The following NKAIN3 variants were observed in gnomAD, a reference collection of about 807,000 sequenced individuals.
NKAIN3 encodes sodium/potassium transporting ATPase interacting 3, also known as sodium/potassium-transporting ATPase subunit beta-1-interacting protein 3.
In NKAIN3, 25 loss-of-function variants were observed where a neutral mutation model predicts 30.2. The ratio of observed to expected loss-of-function variants is 0.83; its 90% CI spans 0.60 to 1.16. NKAIN3 has a LOEUF of 1.16. Among genes scored for constraint, NKAIN3 ranks in the 50% most tolerant of loss-of-function variants. NKAIN3 has a pLI of 0.00. For synonymous variants in NKAIN3, 91 were observed against 89.6 expected (o/e 1.02, Z -0.09); for missense variants, 225 against 254.1 (o/e 0.89, Z 0.78).
At chr8:62,800,951 A>G (rs1413309098) in intron 4 of NKAIN3, among the ~76,000 whole-genome samples, 3 of 152,222 alleles carry the variant, frequency 2.0e-5, no homozygotes, top group Admixed American at 2.0e-4. Flanking sequence ...AAAACGGTGC[A>G]CCAAGAGATT....
Position 62,969,390 on chromosome 8 carries a change from CA to C in NKAIN3, c.*3988del. ...ATCATGACTCTGCTAATTTGAGAAG[CA>C]AAAACCAAAATTTCTCTTTTCAATC... On this transcript the variant is annotated 3_prime_UTR_variant, in exon 7 of 7. Coordinates refer to ENST00000623646, the MANE Select transcript of NKAIN3 (RefSeq NM_001304533.3). Among the ~76,000 whole-genome samples the C allele has an allele frequency of 6.6e-6, 1 of 152,146 alleles. No homozygotes were observed. Among genetic ancestry groups the C allele is most frequent in the East Asian group, 1.9e-4 (1 of 5,196 alleles).
At chr8:62,646,577 T>TATCCAC (rs1281270629) in intron 3 of NKAIN3, among the ~76,000 whole-genome samples, 4 of 152,182 alleles carry the variant, frequency 2.6e-5, no homozygotes, top group Non-Finnish European at 4.4e-5. Context: ...CCACTGTATT[T>TATCCAC]ATCCACTTTG....
intron 1 of NKAIN3, among the ~76,000 whole-genome samples, chr8:62,337,992 A>C (rs1380235784): frequency 2.0e-5 from 3 of 151,978 alleles, no homozygotes; most frequent in Non-Finnish European, 1.5e-5. Flanking sequence ...ATAGGAAAAA[A>C]CTTTTCACAA....
At chr8:62,518,886 G>A (rs10092296) in intron 1 of NKAIN3, among the ~76,000 whole-genome samples, 3,060 of 152,170 alleles carry the variant, frequency 0.02, 77 homozygotes, top group African/African-American at 0.066. Context: ...TAGAAGTGGC[G>A]TTAATGCCTG....
intron 1 of NKAIN3, among the ~76,000 whole-genome samples, chr8:62,355,901 G>A (rs1816336995): frequency 1.3e-5 from 2 of 152,192 alleles, no homozygotes; most frequent in Admixed American, 6.5e-5. Flanking sequence ...ATATTAGAAA[G>A]CTTTGTTTTT....
intron 1 of NKAIN3, among the ~76,000 whole-genome samples, chr8:62,288,491 G>A (rs574267555): frequency 6.6e-5 from 10 of 152,252 alleles, no homozygotes; most frequent in Non-Finnish European, 1.5e-4. Flanking sequence ...AACACGTGGT[G>A]TTTGGTTTTC....
In NKAIN3 at chr8:62,984,233, C is replaced by T. The variant is rs1824152289; in HGVS notation, c.*18826C>T. 6.6e-6 allele frequency: 1 copy of T among 152,194 alleles called. No individual in the cohort carries two copies. The highest frequency in any genetic ancestry group is 1.5e-5 in the Non-Finnish European group (1 of 68,040). 9.4% of individuals were successfully genotyped at this position (152,194 alleles called of 1,614,324 possible). On this transcript the variant is annotated 3_prime_UTR_variant, in exon 7 of 7. Coordinates refer to ENST00000623646, the MANE Select transcript of NKAIN3 (RefSeq NM_001304533.3). ...TTTGCTCTCACATTCACAATACCAA[C>T]TCTGCCATCTTATGGAAAATATTGG...
intron 4 of NKAIN3, chr8:62,857,110 G>A: frequency 4.9e-6 from 2 of 409,746 alleles, no homozygotes; most frequent in South Asian, 2.0e-5. Context: ...CTTTGGTGTA[G>A]GGAAGTGACC....
chr8:62,623,906 T>C (rs1389419204), intron 3 of NKAIN3, among the ~76,000 whole-genome samples: 2 of 152,080 alleles, frequency 1.3e-5, no homozygotes, highest in African/African-American at 2.4e-5. Flanking sequence ...CAACTGATTA[T>C]ACTTATACTT....
At chr8:62,376,239 G>A (rs1817080201) in intron 1 of NKAIN3, among the ~76,000 whole-genome samples, 1 of 152,188 alleles carries the variant, frequency 6.6e-6, no homozygotes. Flanking sequence ...ACACTATGGT[G>A]TATGAATGGG....
At position 62,684,089 on chromosome 8, in the gene NKAIN3, C is replaced by G. The variant is rs111435765; in HGVS notation, c.274-62843C>G. 8.6e-3 allele frequency among the ~76,000 whole-genome samples: 1,304 copies of G among 152,294 alleles called. 6 individuals are homozygous for G. The highest frequency in any genetic ancestry group is 0.014 in the South Asian group (67 of 4,822). ...AGCCAACAATCTCATCAGACATCCA[C>G]TATCAACTTGAGGTCCACAGGCCTG... On this transcript the variant is annotated intron_variant, in intron 3 of 6. Coordinates refer to ENST00000623646, the MANE Select transcript of NKAIN3 (RefSeq NM_001304533.3).
intron 1 of NKAIN3, among the ~76,000 whole-genome samples, chr8:62,311,700 G>T (rs761848316): frequency 6.6e-6 from 1 of 150,404 alleles, no homozygotes; most frequent in Non-Finnish European, 1.5e-5. Context: ...CCACATGGAC[G>T]TGCCACCTGG....
At chr8:62,678,905 A>G (rs1386214748) in intron 3 of NKAIN3, among the ~76,000 whole-genome samples, 1 of 152,176 alleles carries the variant, frequency 6.6e-6, no homozygotes, top group Non-Finnish European at 1.5e-5. Context: ...TCTAGTGAAT[A>G]AGGCTGGAAC....
chr8:62,555,641 A>G (rs958136422), intron 1 of NKAIN3, among the ~76,000 whole-genome samples: 1 of 152,056 alleles, frequency 6.6e-6, no homozygotes, highest in African/African-American at 2.4e-5. Flanking sequence ...ACAGAGATAT[A>G]CTAGGATAAG....
chr8:62,275,452 C>T (rs542964692), intron 1 of NKAIN3, among the ~76,000 whole-genome samples: 2 of 152,238 alleles, frequency 1.3e-5, no homozygotes, highest in South Asian at 4.1e-4. Flanking sequence ...TTTTGTAATT[C>T]TGAATTTTCT....
chr8:62,993,308 A>G (rs16918950), intron 5 of NKAIN3, among the ~76,000 whole-genome samples: 6,446 of 152,230 alleles, frequency 0.042, 440 homozygotes, highest in African/African-American at 0.14. Context: ...TTTATTACAA[A>G]TAGTTTCGTT....
At chr8:62,950,490 T>C (rs971161862) in intron 5 of NKAIN3, among the ~76,000 whole-genome samples, 26 of 152,212 alleles carry the variant, frequency 1.7e-4, no homozygotes, top group African/African-American at 6.0e-4. Flanking sequence ...TTAAATTTTT[T>C]GTAGTCTTGT....
intron 3 of NKAIN3, among the ~76,000 whole-genome samples, chr8:62,738,757 T>G (rs1815762283): frequency 6.6e-6 from 1 of 152,152 alleles, no homozygotes; most frequent in Non-Finnish European, 1.5e-5. Flanking sequence ...TTGCAAAAAT[T>G]TTCTCCCATT....
At chr8:62,255,528 G>A (rs769235785) in intron 1 of NKAIN3, among the ~76,000 whole-genome samples, 1 of 152,188 alleles carries the variant, frequency 6.6e-6, no homozygotes, top group Non-Finnish European at 1.5e-5. Flanking sequence ...AAGCCACTTG[G>A]TTGTGATACA....
Sources: gnomAD v4.1 joint callset for allele counts (sites outside exome capture counted in the v4.1 genomes callset) on GRCh38, gnomAD v4.1.1 for gene constraint, MANE v1.5 for transcripts, NCBI Gene and HGNC (gene_info 2026-07-23, HGNC 2026-07-21) for gene names.